The following AP3B1 variants were observed in gnomAD, a reference collection of about 807,000 sequenced individuals.
AP3B1 encodes AP-3 complex subunit beta-1.
In AP3B1, 61 loss-of-function variants were observed where a neutral mutation model predicts 132.5. The ratio of observed to expected loss-of-function variants is 0.46; its 90% CI spans 0.37 to 0.57. The LOEUF (loss-of-function observed/expected upper bound fraction) is 0.57, where lower values mean the gene tolerates loss of function less well. AP3B1 is among the 20% of genes least tolerant of loss of function. The pLI, the probability that AP3B1 is intolerant of heterozygous loss-of-function variation, is 0.00. For missense variants in AP3B1, 1,120 were observed against 1,289.4 expected, an observed-to-expected ratio of 0.87 and a Z score of 2.01; for synonymous variants, 388 against 438.3, an observed-to-expected ratio of 0.89 and a Z score of 1.43.
At chr5:78,161,423 T>C (rs971696373) in intron 13 of AP3B1, among the ~76,000 whole-genome samples, 2 of 152,066 alleles carry the variant, frequency 1.3e-5, no homozygotes, top group African/African-American at 4.8e-5. Flanking sequence ...TGGTTCATAA[T>C]CTTTAATGGT....
At chr5:78,112,429 T>C (rs890777653) in intron 19 of AP3B1, among the ~76,000 whole-genome samples, 2 of 152,168 alleles carry the variant, frequency 1.3e-5, no homozygotes, top group African/African-American at 2.4e-5. Context: ...TCTTTTAAAT[T>C]CAAACATGGG....
intron 26 of AP3B1, among the ~76,000 whole-genome samples, chr5:78,011,983 G>C (rs773808010): frequency 4.6e-5 from 7 of 151,986 alleles, no homozygotes; most frequent in Middle Eastern, 3.4e-3. Flanking sequence ...TAAAATACTA[G>C]TAGTAAAAAT....
At chr5:78,292,044 T>G (rs1749546774) in intron 1 of AP3B1, among the ~76,000 whole-genome samples, 1 of 150,942 alleles carries the variant, frequency 6.6e-6, no homozygotes, top group South Asian at 2.1e-4. Context: ...AATGTAGCAT[T>G]TTTTTTTTAA....
chr5:78,001,869 T>C (rs187090378), downstream of AP3B1: 2 of 152,322 alleles, frequency 1.3e-5, no homozygotes, highest in African/African-American at 4.8e-5. Flanking sequence ...TCTCTGATTA[T>C]AGAACAACCT....
At chr5:78,274,486 A>C (rs1483416639) in intron 1 of AP3B1, among the ~76,000 whole-genome samples, 1 of 152,002 alleles carries the variant, frequency 6.6e-6, no homozygotes, top group Non-Finnish European at 1.5e-5. Flanking sequence ...TGAAGAGATA[A>C]TGGTTAAGAA....
Position 78,131,144 on chromosome 5 carries a change from C to A in AP3B1, c.1651-1837G>T, listed in dbSNP as rs1171502945. Among the ~76,000 whole-genome samples the A allele has an allele frequency of 3.3e-5, 5 of 151,550 alleles. No homozygotes were observed. The East Asian group carries it at 9.7e-4, about 29-fold the overall frequency. On this transcript the variant is annotated intron_variant, in intron 15 of 26. Transcript: ENST00000255194. ...TACAATGATGCACTAAAACCATAAG[C>A]AGAATAGTTATTCACCACACATTTA...
At chr5:78,208,714 C>T (rs567462524) in intron 7 of AP3B1, among the ~76,000 whole-genome samples, 14 of 152,236 alleles carry the variant, frequency 9.2e-5, no homozygotes, top group Non-Finnish European at 2.1e-4. Flanking sequence ...AGTATCACAA[C>T]AACTGCACAT....
intron 17 of AP3B1, among the ~76,000 whole-genome samples, chr5:78,124,139 A>G (rs1163440445): frequency 1.3e-5 from 2 of 152,274 alleles, no homozygotes; most frequent in East Asian, 3.9e-4. Context: ...ATAGGTGGGA[A>G]ATGAACAATG....
chr5:78,254,006 G>C (rs1747750600), intron 2 of AP3B1, among the ~76,000 whole-genome samples: 1 of 150,492 alleles, frequency 6.6e-6, no homozygotes, highest in Non-Finnish European at 1.5e-5. Context: ...CAAAGAGATT[G>C]AAACAGTTAA....
At chr5:78,061,325 A>C (rs1290117466) in intron 22 of AP3B1, among the ~76,000 whole-genome samples, 2 of 152,220 alleles carry the variant, frequency 1.3e-5, no homozygotes, top group African/African-American at 2.4e-5. Context: ...TGTTTTACCT[A>C]TTCCCTGAGC....
At chr5:78,183,213 G>A (rs903846620) in intron 7 of AP3B1, among the ~76,000 whole-genome samples, 1 of 152,196 alleles carries the variant, frequency 6.6e-6, no homozygotes, top group African/African-American at 2.4e-5. Flanking sequence ...TGTCAGTGGA[G>A]GATAAGCAGG....
chr5:78,289,126 C>T (rs1749403608), intron 1 of AP3B1, among the ~76,000 whole-genome samples: 1 of 152,118 alleles, frequency 6.6e-6, no homozygotes, highest in African/African-American at 2.4e-5. Context: ...TATTCAATAA[C>T]ATCCCTCTAA....
chr5:78,110,215 C>T lies in AP3B1; in HGVS notation c.2389G>A (p.Val797Ile), dbSNP rs770603726. The change falls in exon 20 of 27, where the codon GTC (valine) becomes ATC (isoleucine). Residue 797 changes from valine (V) to isoleucine (I), a missense_variant. This residue lies in a region of AP3B1 where 906 missense variants were observed against 997.1 expected (regional missense o/e 0.91). Transcript: ENST00000255194. The stretch of plus-strand genomic sequence containing the variant: ...AATGTATAATCTCTTACCTTAGTGA[C>T]TCTTCTGGATTCAGATTCACTTTCA... ...EPESESESRR[V>I]TKEKEKKTKQ... 6.2e-7 allele frequency: 1 copy of T among 1,604,060 alleles called. No homozygotes were observed. The highest frequency in any genetic ancestry group is 8.5e-7 in the Non-Finnish European group (1 of 1,173,994).
At chr5:78,087,469 T>A in intron 22 of AP3B1, 2 of 921,170 alleles carry the variant, frequency 2.2e-6, no homozygotes, top group Non-Finnish European at 2.6e-6. Context: ...TTCAGAGTTC[T>A]AGCATTTTCT....
At chr5:78,182,232 A>G (rs1744403015) in intron 7 of AP3B1, among the ~76,000 whole-genome samples, 1 of 152,242 alleles carries the variant, frequency 6.6e-6, no homozygotes, top group South Asian at 2.1e-4. Flanking sequence ...ATCTCTGCCA[A>G]TAAAATATGC....
At chr5:78,060,665 C>G (rs1749007296) in intron 22 of AP3B1, among the ~76,000 whole-genome samples, 1 of 151,928 alleles carries the variant, frequency 6.6e-6, no homozygotes. Flanking sequence ...AGATAGGACT[C>G]AAAACTGACA....
At chr5:78,188,636 A>G (rs1426207808) in intron 7 of AP3B1, among the ~76,000 whole-genome samples, 2 of 152,226 alleles carry the variant, frequency 1.3e-5, no homozygotes, top group Non-Finnish European at 2.9e-5. Context: ...GTGGGTACAT[A>G]AATTAGTACA....
chr5:78,026,717 TAC>T (rs1172513166), intron 24 of AP3B1, among the ~76,000 whole-genome samples: 2 of 152,208 alleles, frequency 1.3e-5, no homozygotes, highest in African/African-American at 2.4e-5. Flanking sequence ...ATGAATATTT[TAC>T]AGATATTGCC....
intron 22 of AP3B1, among the ~76,000 whole-genome samples, chr5:78,067,361 C>T (rs773836832): frequency 2.6e-5 from 4 of 152,112 alleles, no homozygotes; most frequent in Admixed American, 6.6e-5. Context: ...GACAGATCAT[C>T]GAGACACAAA....
Sources: allele counts gnomAD v4.1 joint callset (sites outside exome capture counted in the v4.1 genomes callset), GRCh38; gene constraint gnomAD v4.1.1; regional missense constraint gnomAD v4.1.1; transcripts MANE v1.5; gene names NCBI Gene and HGNC (gene_info 2026-07-23, HGNC 2026-07-21).